Variants in TMEM132D observed in about 807,000 individuals in gnomAD.
TMEM132D encodes transmembrane protein 132D, also known as mature OL transmembrane protein.
Under a neutral mutation model 62.3 loss-of-function variants are expected in TMEM132D, and 21 were observed. That is an observed-to-expected ratio of 0.34 (90% confidence interval 0.24 to 0.49). TMEM132D has a LOEUF of 0.49. TMEM132D is among the 20% of genes least tolerant of loss of function. The pLI is 0.99. For synonymous variants in TMEM132D, 621 were observed against 575.6 expected, an observed-to-expected ratio of 1.08 and a Z score of -1.13; for missense variants, 1,346 against 1,402.8, an observed-to-expected ratio of 0.96 and a Z score of 0.65.
chr12:129,265,650 G>T (rs1880668563), intron 4 of TMEM132D, among the ~76,000 whole-genome samples: 1 of 151,950 alleles, frequency 6.6e-6, no homozygotes, highest in African/African-American at 2.4e-5. Flanking sequence ...TTCAACTCCA[G>T]CTGTCCTGGC....
intron 1 of TMEM132D, among the ~76,000 whole-genome samples, chr12:129,802,735 T>C (rs372767148): frequency 9.9e-5 from 15 of 151,330 alleles, no homozygotes; most frequent in Admixed American, 5.9e-4. Flanking sequence ...TTAAAAGACA[T>C]AGACTGGCAA....
chr12:129,553,986 T>G (rs1458699072), intron 2 of TMEM132D, among the ~76,000 whole-genome samples: 1 of 152,216 alleles, frequency 6.6e-6, no homozygotes, highest in African/African-American at 2.4e-5. Flanking sequence ...CACAAATCTT[T>G]GATTATCCTT....
At chr12:129,327,497 G>A (rs921923364) in intron 4 of TMEM132D, among the ~76,000 whole-genome samples, 2 of 152,220 alleles carry the variant, frequency 1.3e-5, no homozygotes, top group Non-Finnish European at 2.9e-5. Context: ...CCCACATGTG[G>A]CTGTGGCCAC....
intron 5 of TMEM132D, among the ~76,000 whole-genome samples, chr12:129,117,905 A>G (rs1875943068): frequency 6.6e-6 from 1 of 152,206 alleles, no homozygotes; most frequent in Non-Finnish European, 1.5e-5. Flanking sequence ...GGGAGTTGGT[A>G]TCAACTCATG....
At chr12:129,876,806 T>A (rs1874428375) in intron 1 of TMEM132D, among the ~76,000 whole-genome samples, 1 of 152,200 alleles carries the variant, frequency 6.6e-6, no homozygotes, top group Non-Finnish European at 1.5e-5. Context: ...CATGAAGCTC[T>A]CTCTCCTCTA....
At chr12:129,200,930 G>A (rs992146982) in intron 5 of TMEM132D, among the ~76,000 whole-genome samples, 1 of 152,210 alleles carries the variant, frequency 6.6e-6, no homozygotes, top group Non-Finnish European at 1.5e-5. Context: ...CCTCACAGCA[G>A]TTTGCTGCAC....
At chr12:129,598,039 A>C (rs1185052888) in intron 2 of TMEM132D, among the ~76,000 whole-genome samples, 2 of 152,130 alleles carry the variant, frequency 1.3e-5, no homozygotes, top group African/African-American at 4.8e-5. Flanking sequence ...GCCATGACAT[A>C]CTTGCAAAAA....
chr12:129,350,182 C>T (rs1240644738), intron 3 of TMEM132D, among the ~76,000 whole-genome samples: 3 of 152,170 alleles, frequency 2.0e-5, no homozygotes, highest in Admixed American at 6.5e-5. Flanking sequence ...TTTATGTGAT[C>T]AACTTAGGAC....
At chr12:129,164,489 G>T (rs559968348) in intron 5 of TMEM132D, among the ~76,000 whole-genome samples, 1 of 152,206 alleles carries the variant, frequency 6.6e-6, no homozygotes, top group Non-Finnish European at 1.5e-5. Flanking sequence ...CATATACCCA[G>T]CTGTATTGGT....
chr12:129,477,883 CAGAG>C (rs928793852), intron 3 of TMEM132D, among the ~76,000 whole-genome samples: 4 of 150,812 alleles, frequency 2.7e-5, no homozygotes, highest in South Asian at 4.3e-4. Context: ...GAGAGAGAGA[CAGAG>C]AGAGAGAGTC....
chr12:129,441,988 G>T (rs999450091), intron 3 of TMEM132D, among the ~76,000 whole-genome samples: 1 of 152,152 alleles, frequency 6.6e-6, no homozygotes, highest in Non-Finnish European at 1.5e-5. Flanking sequence ...CTAGAAGCAA[G>T]AGATAAGGAG....
At chr12:129,094,712 G>A (rs1483212253) in intron 5 of TMEM132D, among the ~76,000 whole-genome samples, 40 of 152,124 alleles carry the variant, frequency 2.6e-4, no homozygotes, top group Non-Finnish European at 8.8e-5. Flanking sequence ...AAATCATGCT[G>A]CTATAAAGAC....
intron 3 of TMEM132D, among the ~76,000 whole-genome samples, chr12:129,427,071 A>T (rs1354700041): frequency 6.6e-6 from 1 of 152,258 alleles, no homozygotes; most frequent in Non-Finnish European, 1.5e-5. Context: ...ATACGATCCC[A>T]TATGGGAAGC....
intron 1 of TMEM132D, among the ~76,000 whole-genome samples, chr12:129,809,484 C>T (rs906327042): frequency 1.3e-5 from 2 of 151,778 alleles, no homozygotes; most frequent in Non-Finnish European, 2.9e-5. Flanking sequence ...GTTTCTGAGA[C>T]GACTGTCTGG....
intron 1 of TMEM132D, among the ~76,000 whole-genome samples, chr12:129,828,009 G>A (rs1185018514): frequency 6.6e-6 from 1 of 152,128 alleles, no homozygotes; most frequent in African/African-American, 2.4e-5. Context: ...CCTAAAGACA[G>A]ACTCTGTAAA....
At chr12:129,899,260 GATGGATGGATGGATGGATGC>G (rs1875255715) in intron 1 of TMEM132D, among the ~76,000 whole-genome samples, 1 of 126,508 alleles carries the variant, frequency 7.9e-6, no homozygotes, top group Non-Finnish European at 1.7e-5. Context: ...TGCACGGATG[GATGGATGGATGGATGGATGC>G]ATGGATGGAT....
At chr12:129,897,560 GAAAATA>G (rs1875184976) in intron 1 of TMEM132D, among the ~76,000 whole-genome samples, 1 of 151,750 alleles carries the variant, frequency 6.6e-6, no homozygotes, top group Non-Finnish European at 1.5e-5. Flanking sequence ...GGGGGAGGAG[GAAAATA>G]AAAATAAAAA....
rs887780016 is a variant in TMEM132D at position 129,868,548 on chromosome 12, TGGTCA to T, written c.79+34708_79+34712del. ...TCGAGGCTTCCTGTGTCAGCCGCTG[TGGTCA>T]AGTCAACTCCATCTGCACAATTTCA... On this transcript the variant is annotated intron_variant, in intron 1 of 8. Transcript: ENST00000422113. Among the ~76,000 whole-genome samples, 10 of 152,282 alleles carry T rather than the reference TGGTCA, an allele frequency of 6.6e-5. No individual in the cohort carries two copies. The East Asian group carries it at 1.4e-3, about 21-fold the overall frequency.
chr12:129,869,197 A>C (rs2137375537), intron 1 of TMEM132D, among the ~76,000 whole-genome samples: 1 of 151,988 alleles, frequency 6.6e-6, no homozygotes, highest in South Asian at 2.1e-4. Context: ...AATATCTTTG[A>C]ATTTCTCAGC....
Sources: gnomAD v4.1 joint callset for allele counts (sites outside exome capture counted in the v4.1 genomes callset) on GRCh38, gnomAD v4.1.1 for gene constraint, MANE v1.5 for transcripts, NCBI Gene and HGNC (gene_info 2026-07-23, HGNC 2026-07-21) for gene names.